The following RPL6 variants were observed in gnomAD, a reference collection of about 807,000 sequenced individuals.
The protein encoded by RPL6 is large ribosomal subunit protein eL6.
RPL6 carries 1 observed loss-of-function variant against 32.1 expected under a neutral mutation model. That is an observed-to-expected ratio of 0.03 (90% CI 0.01 to 0.15). The LOEUF is 0.15. Among genes scored for constraint, RPL6 ranks in the 10% least tolerant of loss-of-function variants. The pLI is 1.00. For missense variants in RPL6, 275 were observed against 354.6 expected (o/e 0.78, Z 1.80); for synonymous variants, 126 against 131.6 (o/e 0.96, Z 0.29).
Position 112,408,609 on chromosome 12 carries a change from G to A in RPL6, c.48C>T (p.Pro16=), listed in dbSNP as rs760262795. 46 of 1,585,632 alleles carry A rather than the reference G, an allele frequency of 2.9e-5. No homozygotes were observed. The highest frequency in any genetic ancestry group is 3.7e-5 in the Non-Finnish European group (43 of 1,173,810). Residue 16 remains proline, a synonymous_variant, in exon 2 of 7, where the codon CCC becomes CCT. Transcript: ENST00000202773. ...CACCAGCATCAACCTTCTTGGCTTC[G>A]GGTTTCTTCTCTTTAGTATCTGGCT... ...VEKPDTKEKK[P]EAKKVDAGGK... is the part of the protein sequence containing the mutation.
chr12:112,408,665 A>AT lies in RPL6; in HGVS notation c.1-10dup, dbSNP rs757806945. The AT allele has an allele frequency of 1.1e-4, 164 of 1,560,792 alleles. No homozygotes were observed. In the African/African-American group the frequency reaches 1.7e-3, roughly 16 times the overall value. ...ACTTTTTCACCCGCCATCTAAAAAT[A>AT]TTTTTTTGTAGATAAAAAAAGGCAT... On this transcript the variant is annotated splice_polypyrimidine_tract_variant and intron_variant, in intron 1 of 6. Transcript: ENST00000202773.
In RPL6 at chr12:112,406,767, T is replaced by G. The variant is rs769088438; in HGVS notation, c.460A>C (p.Thr154Pro). 6.2e-7 allele frequency: 1 copy of G among 1,614,222 alleles called. No homozygotes were observed. Among genetic ancestry groups the G allele is most frequent in the South Asian group, 1.1e-5 (1 of 91,084 alleles). The change falls in exon 4 of 7, where the codon ACT (threonine) becomes CCT (proline). Residue 154 changes from threonine (T) to proline (P), a missense_variant. Transcript: ENST00000202773. ...ITPGTILIIL[T>P]GRHRGKRVVF... The stretch of plus-strand genomic sequence containing the variant: ...CTCACCTTGCCCCTGTGGCGTCCAG[T>G]GAGGATGATCAGAATGGTCCCGGGG...
chr12:112,409,143 GA>G, intron 1 of RPL6: 1 of 276,202 alleles, frequency 3.6e-6, no homozygotes, highest in Non-Finnish European at 6.7e-6. Flanking sequence ...TTGAGCCAGA[GA>G]AAAAGATCGC....
rs2037298437 is a variant in RPL6, at chr12:112,409,594, G to A, written c.-8C>T. The A allele has an allele frequency of 2.5e-6, 1 of 398,522 alleles. No individual in the cohort carries two copies. The highest frequency in any genetic ancestry group is 4.4e-6 in the Non-Finnish European group (1 of 226,030). The allele number at this position is 398,522 out of a possible 1,614,324, so 24.7% of individuals were successfully genotyped here. On this transcript the variant is annotated 5_prime_UTR_variant, in exon 1 of 7. Transcript: ENST00000202773. ...CAGGCCCGCGATTCTTACCTTGCAAGATGGGAAAGAGAATTAAGGTCCCGG... is the reference window on the plus strand; with the variant it reads ...CAGGCCCGCGATTCTTACCTTGCAAAATGGGAAAGAGAATTAAGGTCCCGG...
At chr12:112,413,332 C>T (rs1234380049), upstream of RPL6, among the ~76,000 whole-genome samples, 7 of 152,008 alleles carry the variant, frequency 4.6e-5, no homozygotes, top group Admixed American at 3.9e-4. Flanking sequence ...GTCAGGAGAT[C>T]GAGACCATCC....
rs11066285 is a variant in RPL6, at chr12:112,405,589, C to A, written c.715-213G>T. ...TCTTAAGCTTTTGTATACTTTAGGA[C>A]ACATCAAGGATAAGTAAGGGCACAT... On this transcript the variant is annotated intron_variant, in intron 6 of 6. Transcript: ENST00000202773. 13,876 of 631,654 alleles carry A rather than the reference C, an allele frequency of 0.022. 401 individuals carry two copies. Among genetic ancestry groups the A allele is most frequent in the African/African-American group, 0.11 (5,966 of 54,284 alleles). The allele number at this position is 631,654 out of a possible 1,614,324, so 39.1% of individuals were successfully genotyped here.
chr12:112,406,486 C>T (rs1048811694), intron 4 of RPL6, 144 bp from the exon 5 acceptor site: 112 of 817,312 alleles, frequency 1.4e-4, no homozygotes, highest in Admixed American at 4.4e-4. Flanking sequence ...GCAACCACAG[C>T]AAGCTACTAA....
At chr12:112,416,382 G>A (rs777451492) in intron 1 of RPL6, among the ~76,000 whole-genome samples, 216 of 151,682 alleles carry the variant, frequency 1.4e-3, no homozygotes, top group Non-Finnish European at 2.8e-3. Context: ...CTCGTGATCC[G>A]CCCGCCTCAG....
At chr12:112,406,367 AG>A in intron 4 of RPL6, 25 bp from the exon 5 acceptor site, 1 of 1,596,558 alleles carries the variant, frequency 6.3e-7, no homozygotes, top group Non-Finnish European at 8.6e-7. Context: ...GAAAATAATT[AG>A]TTTTCTGCAA....
upstream of RPL6, chr12:112,409,648 T>C (rs1411683713): frequency 2.5e-6 from 1 of 396,408 alleles, no homozygotes; most frequent in Non-Finnish European, 4.4e-6. Context: ...TCATGGGAAG[T>C]GCGAGTCTCA....
chr12:112,414,896 C>T (rs1345368913), upstream of RPL6, among the ~76,000 whole-genome samples: 1 of 150,782 alleles, frequency 6.6e-6, no homozygotes, highest in Admixed American at 6.6e-5. Context: ...CAGAGTGAGA[C>T]TGTCTAAAAA....
chr12:112,413,501 G>A (rs919115227), upstream of RPL6, among the ~76,000 whole-genome samples: 1 of 152,206 alleles, frequency 6.6e-6, no homozygotes, highest in African/African-American at 2.4e-5. Context: ...TTGTGCCACT[G>A]CACTCCAGCC....
At chr12:112,412,292 A>T (rs2037350685), upstream of RPL6, among the ~76,000 whole-genome samples, 2 of 149,144 alleles carry the variant, frequency 1.3e-5, no homozygotes, top group Admixed American at 6.7e-5. Flanking sequence ...GCCCGCCTCG[A>T]CCTCCCAAAG....
chr12:112,408,056 A>G, intron 3 of RPL6, 184 bp downstream of exon 3: 1 of 601,104 alleles, frequency 1.7e-6, no homozygotes, highest in Non-Finnish European at 2.9e-6. Context: ...CAAAGCACAG[A>G]CGAGTAATTT....
Position 112,408,267 on chromosome 12 carries a change from A to G in RPL6, c.309T>C (p.Gly103=). The G allele has an allele frequency of 6.2e-7, 1 of 1,614,190 alleles. No homozygotes were observed. The highest frequency in any genetic ancestry group is 8.5e-7 in the Non-Finnish European group (1 of 1,180,006). ...TKPVGGDKNG[G]TRVVKLRKMP... ...TTTTGCGAAGTTTAACCACCCGGGTACCGCCGTTCTTGTCACCACCAACTG... is the reference window on the plus strand; with the variant it reads ...TTTTGCGAAGTTTAACCACCCGGGTGCCGCCGTTCTTGTCACCACCAACTG... Residue 103 remains glycine, a synonymous_variant, in exon 3 of 7, where the codon GGT becomes GGC. Coordinates refer to ENST00000202773, the MANE Select transcript of RPL6 (RefSeq NM_000970.6).
chr12:112,411,550 C>T (rs1036605263), upstream of RPL6: 1 of 152,160 alleles, frequency 6.6e-6, no homozygotes, highest in Admixed American at 6.6e-5. Context: ...CTCTTAGAAA[C>T]TTCAACTGCA....
At chr12:112,414,735 C>T (rs2037382794), upstream of RPL6, among the ~76,000 whole-genome samples, 1 of 151,952 alleles carries the variant, frequency 6.6e-6, no homozygotes. Flanking sequence ...AACCCTGTCT[C>T]TACTAAAAAA....
chr12:112,409,395 C>T, intron 1 of RPL6, 192 bp downstream of exon 1: 1 of 398,266 alleles, frequency 2.5e-6, no homozygotes, highest in South Asian at 1.3e-4. Context: ...GGAGCCACTA[C>T]GGCATTCTAC....
In RPL6 at chr12:112,408,704, T is replaced by C. The variant is rs1375972679; in HGVS notation, c.1-48A>G. The C allele has an allele frequency of 2.7e-6, 4 of 1,477,660 alleles. No individual in the cohort carries two copies. In the African/African-American group the frequency reaches 4.2e-5, roughly 16 times the overall value. The allele number at this position is 1,477,660 out of a possible 1,614,324, so 91.5% of individuals were successfully genotyped here. A position where few individuals can be genotyped will look rare whatever the true frequency, so the allele number is the denominator to read the frequency against. On this transcript the variant is annotated intron_variant, in intron 1 of 6. Transcript: ENST00000202773. ...AAAAAAAGGCATTTCACCAGTCATC[T>C]CTCTAACAAGACAATAATGAACCTG...
Sources: allele counts gnomAD v4.1 joint callset (sites outside exome capture counted in the v4.1 genomes callset), GRCh38; gene constraint gnomAD v4.1.1; transcripts MANE v1.5; gene names NCBI Gene and HGNC (gene_info 2026-07-23, HGNC 2026-07-21).